Variants in BAZ2A observed in about 807,000 individuals in gnomAD.
BAZ2A encodes bromodomain adjacent to zinc finger domain protein 2A.
Under a neutral mutation model 199.9 loss-of-function variants are expected in BAZ2A, and 34 were observed. That is an observed-to-expected ratio of 0.17 (90% CI 0.13 to 0.23). The LOEUF is 0.23. Among genes scored for constraint, BAZ2A ranks in the 10% least tolerant of loss-of-function variants. The probability of loss-of-function intolerance (pLI) is 1.00; values close to 1 mark genes in which losing one functional copy is unlikely to be tolerated. For synonymous variants in BAZ2A, 857 were observed against 883.9 expected (o/e 0.97, Z 0.54); for missense variants, 2,002 against 2,391.1 (o/e 0.84, Z 3.39).
At position 56,600,184 on chromosome 12, in the gene BAZ2A, G is replaced by A. The variant is rs1468633633; in HGVS notation, c.4892+17C>T. The A allele has an allele frequency of 1.9e-6, 3 of 1,612,542 alleles. No homozygotes were observed. The highest frequency in any genetic ancestry group is 2.5e-6 in the Non-Finnish European group (3 of 1,178,636). ...CTTTCTCTCCAAGACCAAGAATGGA[G>A]GGTGGGAGTCACTCACATCTCTGTA... On this transcript the variant is annotated intron_variant, in intron 24 of 28. Transcript: ENST00000549884.
rs200679087 is a variant in BAZ2A, at chr12:56,617,416, T to G, written c.115A>C (p.Asn39His). Residue 39 changes from asparagine to histidine, a missense_variant, in exon 2 of 29, where the codon AAC (asparagine) becomes CAC (histidine). Physicochemically the swap from Asn to His is moderately conservative, Grantham distance 68. Around this residue, in one of 6 missense-constraint regions of BAZ2A, gnomAD observed 641 missense variants for 694.5 expected, o/e 0.92. Coordinates refer to ENST00000549884, the MANE Select transcript of BAZ2A (RefSeq NM_001300905.2). ...EGLYTNGSPMNFPQQGKSLNG... is the reference protein window; with the variant it reads ...EGLYTNGSPMHFPQQGKSLNG... Reference sequence around the variant, plus strand: ...TCACTTTTCCCTTGCTGGGGGAAGTTCATGGGAGACCCGTTAGTGTAGAGG... The same window carrying G: ...TCACTTTTCCCTTGCTGGGGGAAGTGCATGGGAGACCCGTTAGTGTAGAGG... 6.2e-7 allele frequency: 1 copy of G among 1,603,168 alleles called. No homozygotes were observed. Among genetic ancestry groups the G allele is most frequent in the African/African-American group, 1.3e-5 (1 of 74,734 alleles).
intron 1 of BAZ2A, among the ~76,000 whole-genome samples, chr12:56,620,048 T>A (rs529985974): frequency 3.2e-4 from 49 of 152,066 alleles, no homozygotes; most frequent in African/African-American, 1.1e-3. Context: ...ATCTCCCATA[T>A]AGGATATCTC....
chr12:56,613,033 C>T lies in BAZ2A; in HGVS notation c.1117G>A (p.Gly373Arg). 1.2e-6 allele frequency: 2 copies of T among 1,613,604 alleles called. No homozygotes were observed. The highest frequency in any genetic ancestry group is 2.2e-5 in the South Asian group (2 of 91,066). The change falls in exon 5 of 29, where the codon GGG (glycine) becomes AGG (arginine). Residue 373 changes from glycine to arginine, a missense_variant. By Grantham distance (125) the Gly-to-Arg change is moderately radical (BLOSUM62 -2). This residue lies in a region of BAZ2A where 641 missense variants were observed against 694.5 expected (regional missense o/e 0.92). Transcript: ENST00000549884. Reference sequence around the variant, plus strand: ...CACTTACCTTGCAGGACAGACTCCCCTAGGACAGGTGGAGAGGTGGGACTG... The same window carrying T: ...CACTTACCTTGCAGGACAGACTCCCTTAGGACAGGTGGAGAGGTGGGACTG... The part of the protein sequence containing the change: ...FASPTSPPVL[G>R]ESVLQDNSFD...
upstream of BAZ2A, chr12:56,636,732 C>T (rs1362753552): frequency 6.5e-6 from 1 of 154,042 alleles, no homozygotes; most frequent in Non-Finnish European, 1.4e-5. Flanking sequence ...TTCTTACCCA[C>T]TCCAGAGTCA....
chr12:56,606,728 A>G lies in BAZ2A; in HGVS notation c.2098T>C (p.Leu700=), dbSNP rs1412082456. The G allele has an allele frequency of 6.2e-7, 1 of 1,613,540 alleles. No homozygotes were observed. Among genetic ancestry groups the G allele is most frequent in the South Asian group, 1.1e-5 (1 of 91,064 alleles). ...PLKKLEAQET[L]NEEDKAKIAK... is the part of the protein sequence containing the mutation. ...ATCTTTGCTTTATCCTCCTCATTCA[A>G]TGTTTCTGTGAGAGCAGAAAGAAAA... is the stretch of plus-strand genomic sequence containing the variant. Residue 700 remains leucine (L), a synonymous_variant, in exon 11 of 29, where the codon TTG becomes CTG. Transcript: ENST00000549884.
chr12:56,612,652 T>G (rs950118864), intron 5 of BAZ2A, among the ~76,000 whole-genome samples: 6 of 152,208 alleles, frequency 3.9e-5, no homozygotes, highest in African/African-American at 1.4e-4. Context: ...AGATGGAGTC[T>G]TGCTCTGTTG....
At position 56,635,333 on chromosome 12, in the gene BAZ2A, C is replaced by T. The variant is rs1951423641; in HGVS notation, c.4+849G>A. Among the ~76,000 whole-genome samples the T allele has an allele frequency of 6.6e-6, 1 of 152,038 alleles. No individual in the cohort carries two copies. Among genetic ancestry groups the T allele is most frequent in the African/African-American group, 2.4e-5 (1 of 41,406 alleles). ...GCAAAGACCGCTTCACAAAAGAGGC[C>T]GGGGAAGGCAGAAAGAGCTACATGG... On this transcript the variant is annotated intron_variant, in intron 1 of 29. Transcript: ENST00000379441. The surrounding 1 kb of genome is among the most constrained non-coding windows in gnomAD (Gnocchi z 4.1).
upstream of BAZ2A, among the ~76,000 whole-genome samples, chr12:56,634,491 T>G (rs1592638481): frequency 1.3e-5 from 2 of 152,222 alleles, no homozygotes; most frequent in Middle Eastern, 3.4e-3. Context: ...TAGCTGAACT[T>G]AAAGGGCTGA....
At position 56,600,235 on chromosome 12, in the gene BAZ2A, G is replaced by A; in HGVS notation, c.4858C>T (p.Pro1620Ser). The A allele has an allele frequency of 6.2e-7, 1 of 1,613,966 alleles. No homozygotes were observed. The highest frequency in any genetic ancestry group is 8.5e-7 in the Non-Finnish European group (1 of 1,179,854). ...VVLEKALLST[P>S]NGAPEGTTTE... ...GTGGTGCCCTCAGGGGCACCATTAG[G>A]TGTGCTAAGCAGGGCCTTCTCCAGC... The change falls in exon 24 of 29, where the codon CCT becomes TCT. Residue 1620 changes from proline to serine, a missense_variant. Coordinates refer to ENST00000549884, the MANE Select transcript of BAZ2A (RefSeq NM_001300905.2).
At position 56,630,308 on chromosome 12, in the gene BAZ2A, T is replaced by A. The variant is rs1050075895; in HGVS notation, c.-186A>T. 2.4e-5 allele frequency: 24 copies of A among 983,854 alleles called. No homozygotes were observed. Among genetic ancestry groups the A allele is most frequent in the East Asian group, 1.1e-4 (1 of 8,810 alleles). 60.9% of individuals were successfully genotyped at this position (983,854 alleles called of 1,614,324 possible). On this transcript the variant is annotated 5_prime_UTR_variant, in exon 1 of 29. An upstream start codon of the reference 5' UTR is lost. Coordinates refer to ENST00000549884, the MANE Select transcript of BAZ2A (RefSeq NM_001300905.2). ...CCGCGGGGCCCGAGAGGAGCCAACA[T>A]GGCCGGCGGGGGAGGAGTGAGTCGG...
chr12:56,624,102 T>C (rs1233599116), intron 1 of BAZ2A, among the ~76,000 whole-genome samples: 2 of 150,902 alleles, frequency 1.3e-5, no homozygotes, highest in Non-Finnish European at 3.0e-5. Flanking sequence ...AAAAAAAAAT[T>C]CCAAGTACCA....
chr12:56,604,935 A>AG, intron 14 of BAZ2A, 136 bp from the exon 15 acceptor site: 1 of 1,379,776 alleles, frequency 7.2e-7, no homozygotes, highest in Middle Eastern at 2.1e-4. Context: ...ACAAAAGAAA[A>AG]GGAAAAAATA....
Position 56,599,861 on chromosome 12 carries a change from T to G in BAZ2A, c.5026-13A>C. The G allele has an allele frequency of 6.2e-7, 1 of 1,613,934 alleles. No homozygotes were observed. The highest frequency in any genetic ancestry group is 8.5e-7 in the Non-Finnish European group (1 of 1,179,848). On this transcript the variant is annotated splice_polypyrimidine_tract_variant and intron_variant, in intron 25 of 28. Transcript: ENST00000549884. ...AGACTAGACATGTCTGGACCAAGGT[T>G]GTGAGGAGGCAGAATGAGCTCTCCA...
At chr12:56,614,400 T>G in intron 3 of BAZ2A, 1 of 384,412 alleles carries the variant, frequency 2.6e-6, no homozygotes. Flanking sequence ...ATCTCCTCCA[T>G]CCATTGGGAA....
chr12:56,604,313 G>T, intron 15 of BAZ2A, 22 bp from the exon 16 acceptor site: 1 of 1,595,278 alleles, frequency 6.3e-7, no homozygotes, highest in Non-Finnish European at 8.6e-7. Flanking sequence ...TAGGGAATAG[G>T]ATGAAGTGGC....
At chr12:56,600,901 C>T in intron 22 of BAZ2A, 42 bp downstream of exon 22, 1 of 1,611,908 alleles carries the variant, frequency 6.2e-7, no homozygotes, top group Non-Finnish European at 8.5e-7. Flanking sequence ...CAATGCTTAT[C>T]CTGGGCTCTT....
chr12:56,608,770 T>C (rs769617619), intron 10 of BAZ2A, among the ~76,000 whole-genome samples: 29 of 151,540 alleles, frequency 1.9e-4, no homozygotes, highest in Non-Finnish European at 3.8e-4. Context: ...GGTTTCTTCA[T>C]GTTGGTCAGG....
chr12:56,604,233 C>G lies in BAZ2A; in HGVS notation c.3022G>C (p.Glu1008Gln). 6.2e-7 allele frequency: 1 copy of G among 1,607,478 alleles called. No homozygotes were observed. Among genetic ancestry groups the G allele is most frequent in the South Asian group, 1.1e-5 (1 of 89,598 alleles). Residue 1008 changes from glutamate to glutamine, a missense_variant, in exon 16 of 29, where the codon GAA (glutamate) becomes CAA (glutamine). By Grantham distance (29) the Glu-to-Gln change is conservative. Around this residue, in one of 6 missense-constraint regions of BAZ2A, gnomAD observed 1,081 missense variants for 1,274.7 expected, o/e 0.85. Coordinates refer to ENST00000549884, the MANE Select transcript of BAZ2A (RefSeq NM_001300905.2). The part of the protein sequence containing the change: ...SSYRKNKWIV[E>Q]GRLRRLKTVL... ...GGTCCCTACCTCCGGAGCCGGCCTT[C>G]AACAATCCACTTGTTTTTCCTGTAG... is the stretch of plus-strand genomic sequence containing the variant.
chr12:56,606,852 G>C, intron 10 of BAZ2A, 119 bp from the exon 11 acceptor site: 1 of 747,396 alleles, frequency 1.3e-6, no homozygotes, highest in Non-Finnish European at 2.3e-6. Context: ...AGAATCTAGA[G>C]TAGCTTTTTT....
Sources: gnomAD v4.1 joint callset for allele counts (sites outside exome capture counted in the v4.1 genomes callset) on GRCh38, gnomAD v4.1.1 for gene constraint, gnomAD v4.1.1 regional missense constraint, Gnocchi (gnomAD v3.1) non-coding constraint, MANE v1.5 for transcripts, NCBI Gene and HGNC (gene_info 2026-07-23, HGNC 2026-07-21) for gene names.